LMBRD1: variants seen among roughly 807,000 people sequenced by gnomAD.
The protein encoded by LMBRD1 is lysosomal cobalamin transport escort protein LMBD1.
LMBRD1 carries 64 observed loss-of-function variants against 74.8 expected under a neutral mutation model. That is an observed-to-expected ratio of 0.86 (90% confidence interval 0.70 to 1.05). The LOEUF (loss-of-function observed/expected upper bound fraction) is 1.05. LMBRD1 is among the 50% of genes least tolerant of loss of function. The probability of loss-of-function intolerance (pLI) is 0.00; values close to 1 mark genes in which losing one functional copy is unlikely to be tolerated. For synonymous variants in LMBRD1, 204 were observed against 216.3 expected (o/e 0.94, Z 0.50); for missense variants, 652 against 645.9 (o/e 1.01, Z -0.10).
intron 3 of LMBRD1, among the ~76,000 whole-genome samples, chr6:69,766,062 T>C (rs1439424739): frequency 1.3e-5 from 2 of 151,822 alleles, no homozygotes; most frequent in East Asian, 1.9e-4. Context: ...ATAATTCTTC[T>C]TTTCCAGTTT....
chr6:69,696,199 C>T (rs891690817), intron 14 of LMBRD1, among the ~76,000 whole-genome samples: 2 of 152,166 alleles, frequency 1.3e-5, no homozygotes, highest in Non-Finnish European at 2.9e-5. Flanking sequence ...CTCACCATTG[C>T]TCTACAACCA....
chr6:69,691,535 C>G (rs17503616), intron 14 of LMBRD1, among the ~76,000 whole-genome samples: 7,478 of 152,104 alleles, frequency 0.049, 225 homozygotes, highest in Middle Eastern at 0.072. Flanking sequence ...AGGATAGGTA[C>G]TTGAGATTCT....
intron 14 of LMBRD1, among the ~76,000 whole-genome samples, chr6:69,692,713 C>T (rs1053745015): frequency 2.0e-5 from 3 of 152,040 alleles, no homozygotes; most frequent in African/African-American, 7.2e-5. Context: ...GGTTATACTG[C>T]CCCCCAGGGC....
intron 9 of LMBRD1, among the ~76,000 whole-genome samples, chr6:69,712,490 C>A (rs186869997): frequency 3.3e-5 from 5 of 150,694 alleles, no homozygotes; most frequent in Non-Finnish European, 7.4e-5. Context: ...ACAACCCATA[C>A]AAATAGATAA....
At chr6:69,777,296 A>G (rs995765848) in intron 3 of LMBRD1, among the ~76,000 whole-genome samples, 1 of 152,056 alleles carries the variant, frequency 6.6e-6, no homozygotes, top group Non-Finnish European at 1.5e-5. Flanking sequence ...TACTAAAAAT[A>G]CAAAAAATTA....
rs1765901401 is a variant in LMBRD1 at position 69,784,469 on chromosome 6, T to C, written c.247-3915A>G. On this transcript the variant is annotated intron_variant, in intron 2 of 15. Coordinates refer to ENST00000649934, the MANE Select transcript of LMBRD1 (RefSeq NM_018368.4). ...CATTCAGGAGCCATTTTGATCCCCA[T>C]GGGGCATTTGACAATGTCCGGAGAC... Among the ~76,000 whole-genome samples the C allele has an allele frequency of 2.6e-5, 4 of 152,152 alleles. No homozygotes were observed. In the South Asian group the frequency reaches 6.2e-4, roughly 24 times the overall value.
chr6:69,697,446 G>T, intron 14 of LMBRD1, 117 bp downstream of exon 14: 1 of 746,786 alleles, frequency 1.3e-6, no homozygotes, highest in Non-Finnish European at 2.4e-6. Flanking sequence ...ACCTCTACTT[G>T]CTAAAAGTTT....
intron 5 of LMBRD1, among the ~76,000 whole-genome samples, chr6:69,747,504 G>C (rs1582118489): frequency 6.6e-6 from 1 of 152,152 alleles, no homozygotes. Context: ...TTTTTTATTT[G>C]TCAAGTCAGC....
intron 7 of LMBRD1, among the ~76,000 whole-genome samples, chr6:69,721,314 A>C (rs1026610373): frequency 6.6e-6 from 1 of 152,196 alleles, no homozygotes; most frequent in East Asian, 1.9e-4. Flanking sequence ...GCTCACCTCA[A>C]CAAAGGTGAC....
chr6:69,778,414 G>A (rs1022406751), intron 3 of LMBRD1, among the ~76,000 whole-genome samples: 1 of 152,110 alleles, frequency 6.6e-6, no homozygotes, highest in African/African-American at 2.4e-5. Flanking sequence ...TCTTTTCTGT[G>A]GGCTTAATTC....
At chr6:69,685,439 G>A (rs374673102) in intron 14 of LMBRD1, among the ~76,000 whole-genome samples, 63 of 152,258 alleles carry the variant, frequency 4.1e-4, no homozygotes, top group African/African-American at 1.4e-3. Context: ...GCATACTTTG[G>A]AAGAGTGGTT....
chr6:69,794,543 G>A (rs190012283), intron 1 of LMBRD1, among the ~76,000 whole-genome samples: 3 of 152,258 alleles, frequency 2.0e-5, no homozygotes, highest in South Asian at 2.1e-4. Flanking sequence ...TTCAGACTTC[G>A]CTTTTTGGCA....
chr6:69,773,841 C>T lies in LMBRD1; in HGVS notation c.307+6653G>A, dbSNP rs534567040. On this transcript the variant is annotated intron_variant, in intron 3 of 15. Transcript: ENST00000649934. ...TTTCATCAACACTAGCATGGATAAA[C>T]TACGGTATGTTAATATAGTAATAAG... 1.2e-4 allele frequency among the ~76,000 whole-genome samples: 18 copies of T among 152,270 alleles called. No individual in the cohort carries two copies. In the South Asian group the frequency reaches 3.5e-3, roughly 30 times the overall value.
In LMBRD1 at chr6:69,702,059, C is replaced by G. The variant is rs915530099; in HGVS notation, c.916-106G>C. The stretch of plus-strand genomic sequence containing the variant: ...TTGCTAGAATATGACAATGATCTAA[C>G]AAAAACAATCTAAGATACATTTTAA... On this transcript the variant is annotated intron_variant, in intron 9 of 15. Coordinates refer to ENST00000649934, the MANE Select transcript of LMBRD1 (RefSeq NM_018368.4). 22 of 711,910 alleles carry G rather than the reference C, an allele frequency of 3.1e-5. No individual in the cohort carries two copies. In the African/African-American group the frequency reaches 3.9e-4, roughly 13 times the overall value. The allele number at this position is 711,910 out of a possible 1,614,324, so 44.1% of individuals were successfully genotyped here.
At chr6:69,777,194 G>C (rs1409941225) in intron 3 of LMBRD1, among the ~76,000 whole-genome samples, 1 of 152,028 alleles carries the variant, frequency 6.6e-6, no homozygotes, top group Non-Finnish European at 1.5e-5. Flanking sequence ...GCTCCCATCT[G>C]TAATCCCAGC....
intron 14 of LMBRD1, among the ~76,000 whole-genome samples, chr6:69,689,974 A>G (rs1765842083): frequency 6.6e-6 from 1 of 152,086 alleles, no homozygotes. Context: ...CTAAGACACC[A>G]AAATCCACGG....
intron 14 of LMBRD1, among the ~76,000 whole-genome samples, chr6:69,682,915 T>C (rs2149835420): frequency 6.6e-6 from 1 of 152,094 alleles, no homozygotes; most frequent in Middle Eastern, 3.4e-3. Flanking sequence ...AATTTGCATT[T>C]GAAAGAAAAG....
In LMBRD1 at chr6:69,703,297, T is replaced by C. The variant is rs913172388; in HGVS notation, c.916-1344A>G. On this transcript the variant is annotated intron_variant, in intron 9 of 15. Transcript: ENST00000649934. ...TGAACTGAAAAGCAACACAGACTTA[T>C]ACTTAGGATTCTCAAGTGAAAAACA... 3.9e-5 allele frequency among the ~76,000 whole-genome samples: 6 copies of C among 152,096 alleles called. No homozygotes were observed. The Middle Eastern group carries it at 0.01, about 259-fold the overall frequency.
chr6:69,736,848 A>C (rs1455557015), intron 7 of LMBRD1, among the ~76,000 whole-genome samples: 2 of 152,190 alleles, frequency 1.3e-5, no homozygotes, highest in Non-Finnish European at 2.9e-5. Flanking sequence ...TTAACTTGTG[A>C]CTACTTCTTA....
Sources: allele counts gnomAD v4.1 joint callset (sites outside exome capture counted in the v4.1 genomes callset), GRCh38; gene constraint gnomAD v4.1.1; transcripts MANE v1.5; gene names NCBI Gene and HGNC (gene_info 2026-07-23, HGNC 2026-07-21).